LMO3: variants seen among roughly 807,000 people sequenced by gnomAD.
LMO3 encodes the protein LIM domain only protein 3.
LMO3 carries 2 observed loss-of-function variants against 15.8 expected under a neutral mutation model. That is an observed-to-expected ratio of 0.13 (90% CI 0.05 to 0.40). LMO3 has a LOEUF of 0.40. Ranked by LOEUF, LMO3 falls within the 10% of genes least tolerant of loss-of-function variation. The pLI is 0.99. For synonymous variants in LMO3, 62 were observed against 63.8 expected (o/e 0.97, Z 0.13); for missense variants, 86 against 182.2 (o/e 0.47, Z 3.04).
chr12:16,560,861 T>G lies in LMO3; in HGVS notation c.207-323A>C. 9.8e-6 allele frequency: 3 copies of G among 307,462 alleles called. 1 individual carries two copies. In the South Asian group the frequency reaches 1.1e-4, roughly 11 times the overall value. The allele number at this position is 307,462 out of a possible 1,614,324, so 19.0% of individuals were successfully genotyped here. The stretch of plus-strand genomic sequence containing the variant: ...TCTGGGTTAGAGTATATAGAAAATA[T>G]AAAAGCAATATAACTTTGCTCTTAA... On this transcript the variant is annotated intron_variant, in intron 2 of 3. Transcript: ENST00000537304. This position sits in a 1 kb window ranked among gnomAD's most constrained non-coding sequence, Gnocchi z 5.0.
chr12:16,609,530 T>C (rs918353641), upstream of LMO3, among the ~76,000 whole-genome samples: 2 of 152,124 alleles, frequency 1.3e-5, no homozygotes, highest in Non-Finnish European at 2.9e-5. Context: ...TGTGCCCTCT[T>C]TCTGCAACTC....
At chr12:16,605,020 C>T (rs878974321) in intron 1 of LMO3, 5 of 1,568,732 alleles carry the variant, frequency 3.2e-6, no homozygotes, top group Admixed American at 3.6e-5. Context: ...CGCCGAGGAC[C>T]GACTATTGTG....
intron 2 of LMO3, among the ~76,000 whole-genome samples, chr12:16,588,554 T>C (rs1264483776): frequency 6.6e-6 from 1 of 152,060 alleles, no homozygotes; most frequent in Non-Finnish European, 1.5e-5. Context: ...ATCACCTCAG[T>C]TACAAAGGAA....
Position 16,586,704 on chromosome 12 carries a change from C to G in LMO3, c.206+13951G>C, listed in dbSNP as rs1943334073. Among the ~76,000 whole-genome samples, 1 of 152,168 alleles carries G rather than the reference C, an allele frequency of 6.6e-6. No individual in the cohort carries two copies. The highest frequency in any genetic ancestry group is 1.5e-5 in the Non-Finnish European group (1 of 68,030). On this transcript the variant is annotated intron_variant, in intron 2 of 3. Transcript: ENST00000537304. The surrounding 1 kb of genome is among the most constrained non-coding windows in gnomAD (Gnocchi z 4.3). ...TTCAAGATACACATCTTTTGACCCCCCATTGCAGTAGATGATGTTTTTTTC... is the reference window on the plus strand; with the variant it reads ...TTCAAGATACACATCTTTTGACCCCGCATTGCAGTAGATGATGTTTTTTTC...
intron 2 of LMO3, among the ~76,000 whole-genome samples, chr12:16,567,025 T>A (rs531864808): frequency 1.3e-5 from 2 of 152,060 alleles, no homozygotes; most frequent in Non-Finnish European, 2.9e-5. Context: ...CAAAACCCCA[T>A]CTCTACTAAA....
intron 3 of LMO3, among the ~76,000 whole-genome samples, chr12:16,556,429 A>ACGAT (rs1555113826): frequency 1.3e-5 from 2 of 152,208 alleles, no homozygotes; most frequent in African/African-American, 4.8e-5. Context: ...TATATAAGGG[A>ACGAT]CAATCAATCC....
At chr12:16,572,339 C>CTTTTTTTTTTTTTTTTTTT (rs59773866) in intron 2 of LMO3, among the ~76,000 whole-genome samples, 6 of 89,530 alleles carry the variant, frequency 6.7e-5, no homozygotes, top group Non-Finnish European at 8.3e-5. Flanking sequence ...GGTCCAAACT[C>CTTTTTTTTTTTTTTTTTTT]TTTTTTTTTT....
rs1942164486 is a variant in LMO3, at chr12:16,555,639, A to AATT, written c.333-4315_333-4313dup. ...ATGGCTTTTCAAAGACTAAGTTTACAATTTCATTTCCTCTAGGTGCTTGCT... is the reference window on the plus strand; with the variant it reads ...ATGGCTTTTCAAAGACTAAGTTTACAATTATTTCATTTCCTCTAGGTGCTTGCT... On this transcript the variant is annotated intron_variant, in intron 3 of 3. Transcript: ENST00000537304. The surrounding 1 kb of genome is among the most constrained non-coding windows in gnomAD (Gnocchi z 5.5). Among the ~76,000 whole-genome samples, 1 of 152,198 alleles carries AATT rather than the reference A, an allele frequency of 6.6e-6. No individual in the cohort carries two copies. The highest frequency in any genetic ancestry group is 6.5e-5 in the Admixed American group (1 of 15,276).
intron 3 of LMO3, among the ~76,000 whole-genome samples, chr12:16,554,747 C>T (rs1379427904): frequency 4.6e-5 from 7 of 152,232 alleles, no homozygotes; most frequent in African/African-American, 1.7e-4. Context: ...CGCTCCGCCT[C>T]CCGGGTTCCC....
chr12:16,561,772 T>C (rs1942414529), intron 2 of LMO3, among the ~76,000 whole-genome samples: 1 of 152,232 alleles, frequency 6.6e-6, no homozygotes, highest in South Asian at 2.1e-4. Flanking sequence ...GAATGGTTTC[T>C]AAGTGTCTGG....
Position 16,582,626 on chromosome 12 carries a change from G to A in LMO3, c.206+18029C>T, listed in dbSNP as rs965772421. Among the ~76,000 whole-genome samples the A allele has an allele frequency of 1.3e-5, 2 of 152,182 alleles. No individual in the cohort carries two copies. The highest frequency in any genetic ancestry group is 1.5e-5 in the Non-Finnish European group (1 of 68,032). On this transcript the variant is annotated intron_variant, in intron 2 of 3. Transcript: ENST00000537304. This position sits in a 1 kb window ranked among gnomAD's most constrained non-coding sequence, Gnocchi z 4.1. ...AGAGATTGAGCCATCACAATAAGAG[G>A]AGGGATTGAAACCATGAGGACAAAT... is the stretch of plus-strand genomic sequence containing the variant.
At chr12:16,588,837 T>C (rs1943403518) in intron 2 of LMO3, among the ~76,000 whole-genome samples, 1 of 152,082 alleles carries the variant, frequency 6.6e-6, no homozygotes, top group African/African-American at 2.4e-5. Flanking sequence ...TCTCCTCATG[T>C]TTAATTTCTC....
rs1943728739 is a variant in LMO3, at chr12:16,598,550, C to T, written c.206+2105G>A. 1 of 152,000 alleles carries T rather than the reference C, an allele frequency of 6.6e-6. No individual in the cohort carries two copies. 9.4% of individuals were successfully genotyped at this position (152,000 alleles called of 1,614,324 possible). ...TATATACTTTTAATAAGTTAACCAC[C>T]ATTAAAAGTTTGAGCCTATCAGGAG... On this transcript the variant is annotated intron_variant, in intron 2 of 3. Coordinates refer to ENST00000537304, the MANE Select transcript of LMO3 (RefSeq NM_018640.5). The surrounding 1 kb of genome is among the most constrained non-coding windows in gnomAD (Gnocchi z 4.3).
chr12:16,556,446 GTTA>G (rs1942193210), intron 3 of LMO3, among the ~76,000 whole-genome samples: 2 of 152,038 alleles, frequency 1.3e-5, no homozygotes, highest in Admixed American at 6.6e-5. Flanking sequence ...ATCCTGAAAG[GTTA>G]TTATTACTGC....
chr12:16,577,160 A>G (rs1278545689), intron 2 of LMO3, among the ~76,000 whole-genome samples: 1 of 152,180 alleles, frequency 6.6e-6, no homozygotes, highest in African/African-American at 2.4e-5. Context: ...TTTCTTTACC[A>G]TCATTACCCC....
rs1414805491 is a variant in LMO3, at chr12:16,589,466, T to C, written c.206+11189A>G. The C allele has an allele frequency of 6.6e-6, 1 of 152,080 alleles. No homozygotes were observed. The highest frequency in any genetic ancestry group is 1.5e-5 in the Non-Finnish European group (1 of 68,004). 9.4% of individuals were successfully genotyped at this position (152,080 alleles called of 1,614,324 possible). A position where few individuals can be genotyped will look rare whatever the true frequency, so the allele number is the denominator to read the frequency against. ...TGCAGATGAAAGCCTCCGTATAAAT[T>C]AGGAAGGAAAAATTTAAGAAAAATT... On this transcript the variant is annotated intron_variant, in intron 2 of 3. Transcript: ENST00000537304. This position sits in a 1 kb window ranked among gnomAD's most constrained non-coding sequence, Gnocchi z 4.2.
At position 16,577,301 on chromosome 12, in the gene LMO3, A is replaced by G. The variant is rs117846396; in HGVS notation, c.207-16763T>C. On this transcript the variant is annotated intron_variant, in intron 2 of 3. Transcript: ENST00000537304. ...TCTTCTTTTTAGGATCATCTCCTAA[A>G]TTTCCTTTTCAGCTTCTAGGACCAT... is the stretch of plus-strand genomic sequence containing the variant. 2.2e-4 allele frequency among the ~76,000 whole-genome samples: 34 copies of G among 152,262 alleles called. No individual in the cohort carries two copies. The East Asian group carries it at 5.0e-3, about 22-fold the overall frequency.
In LMO3 at chr12:16,576,599, CTT is replaced by C. The variant is rs1272414550; in HGVS notation, c.207-16063_207-16062del. ...GTATCAGTTACGTACCTGTTTGTCTCTTTCTCACTACATAATAAGCTCCCTGA... is the reference window on the plus strand; with the variant it reads ...GTATCAGTTACGTACCTGTTTGTCTCTCTCACTACATAATAAGCTCCCTGA... On this transcript the variant is annotated intron_variant, in intron 2 of 3. Transcript: ENST00000537304. The surrounding 1 kb of genome is among the most constrained non-coding windows in gnomAD (Gnocchi z 4.1). Among the ~76,000 whole-genome samples, 3 of 152,210 alleles carry C rather than the reference CTT, an allele frequency of 2.0e-5. No individual in the cohort carries two copies. Among genetic ancestry groups the C allele is most frequent in the Non-Finnish European group, 4.4e-5 (3 of 68,042 alleles).
At position 16,555,218 on chromosome 12, in the gene LMO3, T is replaced by C. The variant is rs1346675321; in HGVS notation, c.333-3891A>G. On this transcript the variant is annotated intron_variant, in intron 3 of 3. Coordinates refer to ENST00000537304, the MANE Select transcript of LMO3 (RefSeq NM_018640.5). This position sits in a 1 kb window ranked among gnomAD's most constrained non-coding sequence, Gnocchi z 5.5. ...TTTCACCTTTACTTAAGTTGTTCCCTAGCAAGAAATATTTCTCCCCTTTTT... is the reference window on the plus strand; with the variant it reads ...TTTCACCTTTACTTAAGTTGTTCCCCAGCAAGAAATATTTCTCCCCTTTTT... Among the ~76,000 whole-genome samples the C allele has an allele frequency of 6.6e-6, 1 of 152,226 alleles. No individual in the cohort carries two copies. Among genetic ancestry groups the C allele is most frequent in the Non-Finnish European group, 1.5e-5 (1 of 68,038 alleles).
Sources: gnomAD v4.1 joint callset for allele counts (sites outside exome capture counted in the v4.1 genomes callset) on GRCh38, gnomAD v4.1.1 for gene constraint, Gnocchi (gnomAD v3.1) non-coding constraint, MANE v1.5 for transcripts, NCBI Gene and HGNC (gene_info 2026-07-23, HGNC 2026-07-21) for gene names.